The following PNCK variants were observed in gnomAD, a reference collection of about 807,000 sequenced individuals.
PNCK encodes the protein pregnancy up-regulated nonubiquitous CaM kinase, also known as calcium/calmodulin-dependent protein kinase type 1B.
Under a neutral mutation model 28.3 loss-of-function variants are expected in PNCK, and 21 were observed. The observed-to-expected ratio is 0.74, with a 90% CI of 0.53 to 1.07. The LOEUF (loss-of-function observed/expected upper bound fraction) is 1.07. PNCK is among the 50% of genes least tolerant of loss of function. The pLI, the probability that PNCK is intolerant of heterozygous loss-of-function variation, is 0.00. For missense variants in PNCK, 250 were observed against 298.3 expected (o/e 0.84, Z 1.19); for synonymous variants, 136 against 125.2 (o/e 1.09, Z -0.58).
chrX:153,673,971 C>T, upstream of PNCK: 3 of 1,113,104 alleles, frequency 2.7e-6, no homozygotes, highest in Non-Finnish European at 3.5e-6. Context: ...TGCCGGCCGC[C>T]ACCGCCCAGC....
upstream of PNCK, among the ~76,000 whole-genome samples, chrX:153,677,787 T>C (rs1557041941): frequency 9.5e-6 from 1 of 105,071 alleles, no homozygotes; most frequent in Non-Finnish European, 1.9e-5. Flanking sequence ...ATAGTGTGTA[T>C]ATAGTGTGTG....
intron 1 of PNCK, among the ~76,000 whole-genome samples, chrX:153,684,172 G>A (rs1462676989): frequency 8.9e-6 from 1 of 112,463 alleles, no homozygotes; most frequent in Non-Finnish European, 1.9e-5. Flanking sequence ...ACAGTTTGGA[G>A]GGTAAATGCA....
At chrX:153,675,515 G>GT (rs11364654), upstream of PNCK, among the ~76,000 whole-genome samples, 6 of 110,233 alleles carry the variant, frequency 5.4e-5, no homozygotes, top group East Asian at 5.8e-4. Flanking sequence ...GTATCATGGG[G>GT]TTTTTTTTGG....
intron 1 of PNCK, among the ~76,000 whole-genome samples, chrX:153,685,425 C>T (rs1217830168): frequency 9.0e-6 from 1 of 111,410 alleles, no homozygotes; most frequent in Non-Finnish European, 1.9e-5. Flanking sequence ...GAGCTCCCCG[C>T]CGGGAACTCC....
upstream of PNCK, among the ~76,000 whole-genome samples, chrX:153,677,556 T>G (rs2091372170): frequency 9.7e-6 from 1 of 102,902 alleles, no homozygotes; most frequent in African/African-American, 3.7e-5. Flanking sequence ...TATATATATA[T>G]AGTGTGTATA....
At chrX:153,679,332 C>T (rs1305031050), upstream of PNCK, among the ~76,000 whole-genome samples, 1 of 108,578 alleles carries the variant, frequency 9.2e-6, no homozygotes, top group Non-Finnish European at 1.9e-5. Context: ...CAGGTCCTCG[C>T]CAGCATTAGG....
intron 1 of PNCK, 37 bp downstream of exon 1, chrX:153,673,743 G>GCCCCGCGCGT (rs2091344135): frequency 1.7e-5 from 12 of 726,448 alleles, no homozygotes; most frequent in Middle Eastern, 7.8e-4. Context: ...GTGCGCCCCC[G>GCCCCGCGCGT]CCCCGCGCGT....
Position 153,671,274 on chromosome X carries a change from C to T in PNCK, c.614+11G>A, listed in dbSNP as rs782697042. ...GCAGGCAGGAGACAAGCCTTCCCAGCGGTCACTCACAGGATGTAGGAGATG... is the reference window on the plus strand; with the variant it reads ...GCAGGCAGGAGACAAGCCTTCCCAGTGGTCACTCACAGGATGTAGGAGATG... On this transcript the variant is annotated intron_variant, in intron 7 of 11. Coordinates refer to ENST00000340888, the MANE Select transcript of PNCK (RefSeq NM_001366977.1). 6.6e-6 allele frequency: 8 copies of T among 1,206,151 alleles called. No individual in the cohort carries two copies. In the Admixed American group the frequency reaches 1.3e-4, roughly 20 times the overall value.
chrX:153,682,304 A>C (rs1239560095), intron 1 of PNCK, among the ~76,000 whole-genome samples: 1 of 111,169 alleles, frequency 9.0e-6, no homozygotes, highest in East Asian at 2.8e-4. Context: ...GTTTTGAGGC[A>C]GGGTGTCGCA....
intron 1 of PNCK, among the ~76,000 whole-genome samples, chrX:153,685,638 C>T (rs1177406990): frequency 5.3e-5 from 6 of 112,706 alleles, no homozygotes; most frequent in African/African-American, 1.9e-4. Context: ...AGGGGGAACG[C>T]CCCGAGGCTG....
At chrX:153,677,602 T>TGTGTATATATA (rs1557041822), upstream of PNCK, among the ~76,000 whole-genome samples, 1,818 of 100,632 alleles carry the variant, frequency 0.018, 55 homozygotes, top group African/African-American at 0.063. Context: ...ATATATATAG[T>TGTGTATATATA]GTGTATATAT....
At chrX:153,685,960 G>A (rs562069726) in intron 1 of PNCK, among the ~76,000 whole-genome samples, 10 of 112,353 alleles carry the variant, frequency 8.9e-5, no homozygotes, top group African/African-American at 3.2e-4. Context: ...GTGTGGGAAG[G>A]GGTGGCTGCC....
At chrX:153,685,453 C>T (rs1456420416) in intron 1 of PNCK, among the ~76,000 whole-genome samples, 1 of 111,778 alleles carries the variant, frequency 8.9e-6, no homozygotes, top group African/African-American at 3.3e-5. Flanking sequence ...CCAGCCTGAA[C>T]TTCATGCACT....
At chrX:153,674,042 T>G, upstream of PNCK, 1 of 1,202,548 alleles carries the variant, frequency 8.3e-7, no homozygotes, top group Non-Finnish European at 1.1e-6. Context: ...CCCAGGGCCT[T>G]TGCACCACCG....
intron 1 of PNCK, chrX:153,687,033 C>A (rs2091423638): frequency 7.1e-6 from 1 of 140,135 alleles, no homozygotes; most frequent in Non-Finnish European, 1.4e-5. Flanking sequence ...TCCTTCCCCA[C>A]CCCACCCCCA....
rs199906202 is a variant in PNCK at position 153,670,722 on chromosome X, C to T, written c.894+22G>A. 2.2e-4 allele frequency: 261 copies of T among 1,182,924 alleles called. No individual in the cohort carries two copies. In the African/African-American group the frequency reaches 4.0e-3, roughly 18 times the overall value. On this transcript the variant is annotated intron_variant, in intron 10 of 11. Transcript: ENST00000340888. Reference sequence around the variant, plus strand: ...AGCTGGGGTGCGGCGGGCGACCACACTGGGTCTCTCTCCACACTGACCTTC... The same window carrying T: ...AGCTGGGGTGCGGCGGGCGACCACATTGGGTCTCTCTCCACACTGACCTTC...
chrX:153,676,402 G>T (rs1263037089), upstream of PNCK, among the ~76,000 whole-genome samples: 1 of 111,831 alleles, frequency 8.9e-6, no homozygotes, highest in East Asian at 2.8e-4. Flanking sequence ...CGGGTTTTAG[G>T]TTAGATTGTG....
intron 1 of PNCK, among the ~76,000 whole-genome samples, chrX:153,683,072 AGAG>A (rs782085007): frequency 1.8e-5 from 2 of 112,398 alleles, no homozygotes; most frequent in Admixed American, 1.9e-4. Flanking sequence ...GAATACACGT[AGAG>A]GAGACTGGAG....
At chrX:153,677,692 T>C (rs959201281), upstream of PNCK, among the ~76,000 whole-genome samples, 5 of 98,992 alleles carry the variant, frequency 5.1e-5, no homozygotes, top group African/African-American at 2.0e-4. Flanking sequence ...ATATAGTGTA[T>C]ATATAGTGTG....
Sources: allele counts gnomAD v4.1 joint callset (sites outside exome capture counted in the v4.1 genomes callset), GRCh38; gene constraint gnomAD v4.1.1; transcripts MANE v1.5; gene names NCBI Gene and HGNC (gene_info 2026-07-23, HGNC 2026-07-21).